Variants in ZFPM1 observed in about 807,000 individuals in gnomAD.
ZFPM1 encodes zinc finger protein ZFPM1.
A neutral mutation model predicts 46.3 loss-of-function variants in ZFPM1; 28 were observed. That is an observed-to-expected ratio of 0.60 (90% CI 0.45 to 0.83). ZFPM1 has a LOEUF of 0.83. Among genes scored for constraint, ZFPM1 ranks in the 40% least tolerant of loss-of-function variants. The pLI is 0.00. For missense variants in ZFPM1, 1,878 were observed against 1,432.4 expected (o/e 1.31, Z -5.02); for synonymous variants, 957 against 675.9 (o/e 1.42, Z -6.45).
chr16:88,474,021 C>T (rs567969069), intron 1 of ZFPM1, among the ~76,000 whole-genome samples: 10 of 152,344 alleles, frequency 6.6e-5, no homozygotes, highest in South Asian at 2.1e-4. Context: ...CCAGAGATGG[C>T]GCCAACCTTC....
intron 4 of ZFPM1, among the ~76,000 whole-genome samples, chr16:88,518,611 A>G (rs1597271687): frequency 6.9e-6 from 1 of 144,522 alleles, no homozygotes; most frequent in African/African-American, 2.6e-5. Context: ...GCTGGTGGAT[A>G]AGTGGATGGA....
intron 4 of ZFPM1, among the ~76,000 whole-genome samples, chr16:88,518,164 C>G (rs1911477151): frequency 6.6e-6 from 1 of 150,834 alleles, no homozygotes; most frequent in Admixed American, 6.6e-5. Flanking sequence ...AAGGTGGCAC[C>G]ACTGCACTCC....
At chr16:88,470,073 G>A (rs953651454) in intron 1 of ZFPM1, among the ~76,000 whole-genome samples, 6 of 152,118 alleles carry the variant, frequency 3.9e-5, no homozygotes, top group Non-Finnish European at 8.8e-5. Context: ...GTCCCCAGAG[G>A]CAAAGCAAGC....
intron 7 of ZFPM1, 66 bp downstream of exon 7, chr16:88,532,301 C>A: frequency 1.4e-6 from 2 of 1,445,154 alleles, no homozygotes; most frequent in Non-Finnish European, 1.9e-6. Flanking sequence ...TCCCGCAGGC[C>A]GCCCGGGAAA....
chr16:88,512,411 T>A (rs1366670276), intron 3 of ZFPM1, among the ~76,000 whole-genome samples: 3 of 152,188 alleles, frequency 2.0e-5, no homozygotes, highest in Non-Finnish European at 1.5e-5. Context: ...GCAGGGACTC[T>A]GGTCAGGAAT....
At chr16:88,455,691 C>G (rs1387022889) in intron 1 of ZFPM1, among the ~76,000 whole-genome samples, 4 of 152,144 alleles carry the variant, frequency 2.6e-5, no homozygotes, top group Admixed American at 6.5e-5. Context: ...GCCTTTTGTT[C>G]CGTGCGGAGA....
chr16:88,479,915 C>G (rs1451485586), intron 1 of ZFPM1, among the ~76,000 whole-genome samples: 1 of 148,848 alleles, frequency 6.7e-6, no homozygotes, highest in Non-Finnish European at 1.5e-5. Flanking sequence ...CCCACTCACA[C>G]CCCCCGCCGA....
At chr16:88,522,574 A>C (rs1445831521) in intron 4 of ZFPM1, among the ~76,000 whole-genome samples, 1 of 152,266 alleles carries the variant, frequency 6.6e-6, no homozygotes, top group Non-Finnish European at 1.5e-5. Context: ...AAGTTGTCAC[A>C]GCGGATGCTG....
rs183375120 is a variant in ZFPM1, at chr16:88,472,342, T to C, written c.41-13597T>C. ...GAGAGGGTGGCATTTCCTGCTTTTTTGTTTGAATTTTCTTTTTTTTTTTTT... is the reference window on the plus strand; with the variant it reads ...GAGAGGGTGGCATTTCCTGCTTTTTCGTTTGAATTTTCTTTTTTTTTTTTT... On this transcript the variant is annotated intron_variant, in intron 1 of 9. Coordinates refer to ENST00000319555, the MANE Select transcript of ZFPM1 (RefSeq NM_153813.3). Among the ~76,000 whole-genome samples, 125 of 151,248 alleles carry C rather than the reference T, an allele frequency of 8.3e-4. 1 individual carries two copies. Among genetic ancestry groups the C allele is most frequent in the Admixed American group, 5.3e-3 (80 of 15,222 alleles).
intron 3 of ZFPM1, among the ~76,000 whole-genome samples, chr16:88,501,334 C>CA (rs1248360267): frequency 2.0e-4 from 15 of 75,464 alleles, no homozygotes; most frequent in East Asian, 5.0e-4. Context: ...GACATGGGTG[C>CA]GGGGCCCTCC....
chr16:88,453,787 T>A, intron 1 of ZFPM1, 109 bp downstream of exon 1: 1 of 608,308 alleles, frequency 1.6e-6, no homozygotes, highest in East Asian at 1.1e-4. Flanking sequence ...GCCGGCGACC[T>A]TCACCCCGCG....
intron 5 of ZFPM1, among the ~76,000 whole-genome samples, chr16:88,527,505 A>C (rs941220014): frequency 6.6e-6 from 1 of 152,036 alleles, no homozygotes; most frequent in African/African-American, 2.4e-5. Context: ...GGGTGGGGAC[A>C]GGCTGTGGTG....
At chr16:88,506,150 G>C (rs1057302811) in intron 3 of ZFPM1, among the ~76,000 whole-genome samples, 1 of 152,176 alleles carries the variant, frequency 6.6e-6, no homozygotes. Flanking sequence ...ATCATGGCCA[G>C]GAGGCCAACA....
intron 6 of ZFPM1, among the ~76,000 whole-genome samples, chr16:88,531,573 C>T (rs1006607654): frequency 6.6e-6 from 1 of 152,196 alleles, no homozygotes; most frequent in Non-Finnish European, 1.5e-5. Flanking sequence ...TTCTTTGCAG[C>T]CTGGCACTCC....
In ZFPM1 at chr16:88,497,298, TGACA is replaced by T. The variant is rs1282438533; in HGVS notation, c.268+8150_268+8153del. ...CCAGCCCCAGCCCCATTCCAAGGTG[TGACA>T]GACACAGTAGAGTGGGGTCGGGTGT... On this transcript the variant is annotated intron_variant, in intron 3 of 9. Coordinates refer to ENST00000319555, the MANE Select transcript of ZFPM1 (RefSeq NM_153813.3). The surrounding 1 kb of genome is among the most constrained non-coding windows in gnomAD (Gnocchi z 5.4). 1.3e-5 allele frequency among the ~76,000 whole-genome samples: 2 copies of T among 151,606 alleles called. No individual in the cohort carries two copies. The highest frequency in any genetic ancestry group is 3.0e-5 in the Non-Finnish European group (2 of 67,794).
At chr16:88,475,273 T>TG (rs1411023739) in intron 1 of ZFPM1, among the ~76,000 whole-genome samples, 1 of 151,874 alleles carries the variant, frequency 6.6e-6, no homozygotes, top group African/African-American at 2.4e-5. Context: ...GCCCAGGCCC[T>TG]GGGGGGCCAT....
intron 1 of ZFPM1, among the ~76,000 whole-genome samples, chr16:88,476,755 G>A (rs139065887): frequency 1.6e-4 from 24 of 152,346 alleles, no homozygotes; most frequent in African/African-American, 5.8e-4. Flanking sequence ...TGGCACCGAG[G>A]GAGGGACTCG....
chr16:88,533,502 C>T lies in ZFPM1; in HGVS notation c.1544C>T (p.Pro515Leu), dbSNP rs965756351. The T allele has an allele frequency of 1.4e-6, 2 of 1,405,090 alleles. No individual in the cohort carries two copies. Among genetic ancestry groups the T allele is most frequent in the Non-Finnish European group, 1.8e-6 (2 of 1,084,984 alleles). The allele number at this position is 1,405,090 out of a possible 1,614,324, so 87.0% of individuals were successfully genotyped here. A position where few individuals can be genotyped will look rare whatever the true frequency, so the allele number is the denominator to read the frequency against. Residue 515 changes from proline to leucine, a missense_variant, in exon 10 of 10, where the codon CCC becomes CTC. Transcript: ENST00000319555. The part of the protein sequence containing the change: ...SSPTPGSSPV[P>L]GELGLAGALF... ...CCCACGCCGGGCTCCAGCCCGGTGC[C>T]CGGCGAGCTGGGCCTGGCCGGGGCC...
chr16:88,505,426 G>A (rs541709719), intron 3 of ZFPM1, among the ~76,000 whole-genome samples: 25 of 152,316 alleles, frequency 1.6e-4, no homozygotes, highest in South Asian at 4.1e-4. Context: ...GGACACAGCC[G>A]TTCAACAGCC....
Sources: allele counts gnomAD v4.1 joint callset (sites outside exome capture counted in the v4.1 genomes callset), GRCh38; gene constraint gnomAD v4.1.1; non-coding constraint Gnocchi (gnomAD v3.1); transcripts MANE v1.5; gene names NCBI Gene and HGNC (gene_info 2026-07-23, HGNC 2026-07-21).